Variants in TAFA5 observed in about 807,000 individuals in gnomAD.
The protein encoded by TAFA5 is TAFA chemokine like family member 5.
A neutral mutation model predicts 15.3 loss-of-function variants in TAFA5; 6 were observed. The observed-to-expected ratio is 0.39, with a 90% confidence interval of 0.21 to 0.77. The LOEUF (loss-of-function observed/expected upper bound fraction) is 0.77. TAFA5 is among the 30% of genes least tolerant of loss of function. The pLI is 0.41. For synonymous variants in TAFA5, 103 were observed against 80.7 expected (o/e 1.28, Z -1.48); for missense variants, 161 against 193.1 (o/e 0.83, Z 0.98).
intron 1 of TAFA5, among the ~76,000 whole-genome samples, chr22:48,533,483 A>C: frequency 6.6e-6 from 1 of 152,204 alleles, no homozygotes; most frequent in East Asian, 1.9e-4. Flanking sequence ...TGCAAGTCTG[A>C]CGTCCAGCTA....
rs1601710727 is a variant in TAFA5, at chr22:48,742,011, G to A, written c.391-7828G>A. Among the ~76,000 whole-genome samples, 2 of 152,368 alleles carry A rather than the reference G, an allele frequency of 1.3e-5. No individual in the cohort carries two copies. Among genetic ancestry groups the A allele is most frequent in the African/African-American group, 4.8e-5 (2 of 41,592 alleles). Reference sequence around the variant, plus strand: ...GTTTTTTGTTAAGAACCCCATGGTTGGGGGTAAACACTGTTCCTATCCCGT... The same window carrying A: ...GTTTTTTGTTAAGAACCCCATGGTTAGGGGTAAACACTGTTCCTATCCCGT... On this transcript the variant is annotated intron_variant, in intron 3 of 3. Transcript: ENST00000402357. The surrounding 1 kb of genome is among the most constrained non-coding windows in gnomAD (Gnocchi z 6.2).
chr22:48,584,336 TCACACACACCACACACACCGTGCAC>T (rs1398861675), intron 1 of TAFA5, among the ~76,000 whole-genome samples: 3 of 115,952 alleles, frequency 2.6e-5, no homozygotes, highest in Non-Finnish European at 5.4e-5. Flanking sequence ...CACACAGATA[TCACACACACCACACACACCGTGCAC>T]CACACACAGT....
chr22:48,546,716 A>G (rs1370209225), intron 1 of TAFA5: 1 of 410,020 alleles, frequency 2.4e-6, no homozygotes, highest in African/African-American at 2.0e-5. Flanking sequence ...GGTGCCCAGC[A>G]CTCATGTTCC....
chr22:48,489,718 G>T lies in TAFA5; in HGVS notation c.112+14G>T. 1 of 1,407,674 alleles carries T rather than the reference G, an allele frequency of 7.1e-7. No individual in the cohort carries two copies. The allele number at this position is 1,407,674 out of a possible 1,614,324, so 87.2% of individuals were successfully genotyped here. A position where few individuals can be genotyped will look rare whatever the true frequency, so the allele number is the denominator to read the frequency against. On this transcript the variant is annotated intron_variant, in intron 1 of 3. Transcript: ENST00000402357. This position sits in a 1 kb window ranked among gnomAD's most constrained non-coding sequence, Gnocchi z 5.5. ...TCGCCTACTGCAGTGAGTACCGCGC[G>T]GCCCCGGCCCCGGCACGGCCCTCTG... is the stretch of plus-strand genomic sequence containing the variant.
At chr22:48,628,225 C>G (rs916983193) in intron 1 of TAFA5, among the ~76,000 whole-genome samples, 1 of 152,222 alleles carries the variant, frequency 6.6e-6, no homozygotes, top group Admixed American at 6.5e-5. Context: ...CACTTCTCCA[C>G]AGGCCCAGGC....
intron 2 of TAFA5, among the ~76,000 whole-genome samples, chr22:48,704,268 G>A (rs4925449): frequency 0.14 from 21,568 of 152,048 alleles, 1,993 homozygotes; most frequent in African/African-American, 0.27. Context: ...GGCATTGCAA[G>A]GGGATTTCTG....
chr22:48,521,158 C>T (rs1347768638), intron 1 of TAFA5, among the ~76,000 whole-genome samples: 2 of 152,204 alleles, frequency 1.3e-5, no homozygotes, highest in African/African-American at 4.8e-5. Flanking sequence ...CCCATTTCAT[C>T]AGTTATTGCC....
At chr22:48,629,051 G>A (rs568579109) in intron 1 of TAFA5, among the ~76,000 whole-genome samples, 15 of 152,318 alleles carry the variant, frequency 9.8e-5, no homozygotes, top group African/African-American at 3.4e-4. Context: ...CAGAGGGGAA[G>A]CCCTGGCCCC....
chr22:48,606,973 T>TC (rs1339640015), intron 1 of TAFA5, among the ~76,000 whole-genome samples: 3 of 152,234 alleles, frequency 2.0e-5, no homozygotes, highest in Non-Finnish European at 4.4e-5. Flanking sequence ...GTAACCCATG[T>TC]CCTGCATCAC....
intron 2 of TAFA5, among the ~76,000 whole-genome samples, chr22:48,698,417 A>G (rs1928796169): frequency 6.7e-6 from 1 of 149,444 alleles, no homozygotes; most frequent in Non-Finnish European, 1.5e-5. Context: ...GGTGATAATG[A>G]TGGTGGTTGT....
intron 1 of TAFA5, among the ~76,000 whole-genome samples, chr22:48,639,028 CTA>C (rs1324282224): frequency 6.6e-6 from 1 of 152,198 alleles, no homozygotes; most frequent in South Asian, 2.1e-4. Flanking sequence ...GACCCCGACA[CTA>C]AGCCCAGCTC....
At chr22:48,597,737 A>T (rs766137584) in intron 1 of TAFA5, among the ~76,000 whole-genome samples, 7 of 152,238 alleles carry the variant, frequency 4.6e-5, no homozygotes, top group Non-Finnish European at 1.0e-4. Flanking sequence ...CCTTTCAGAA[A>T]ACTCTTACTG....
chr22:48,721,305 G>C (rs1347008715), intron 3 of TAFA5, among the ~76,000 whole-genome samples: 2 of 152,144 alleles, frequency 1.3e-5, no homozygotes, highest in African/African-American at 4.8e-5. Context: ...CCCGCCCACT[G>C]CCTTCATGCC....
intron 1 of TAFA5, among the ~76,000 whole-genome samples, chr22:48,622,317 C>T (rs905712666): frequency 6.6e-6 from 1 of 152,156 alleles, no homozygotes; most frequent in Non-Finnish European, 1.5e-5. Context: ...GGGGGGCAGG[C>T]CCTGGGCACC....
chr22:48,670,699 G>T (rs569653844), intron 2 of TAFA5, among the ~76,000 whole-genome samples: 4 of 152,248 alleles, frequency 2.6e-5, no homozygotes, highest in African/African-American at 9.6e-5. Flanking sequence ...CAATTTTGCC[G>T]TCTCATCAGG....
At chr22:48,624,454 C>G (rs1159025214) in intron 1 of TAFA5, among the ~76,000 whole-genome samples, 1 of 152,210 alleles carries the variant, frequency 6.6e-6, no homozygotes, top group African/African-American at 2.4e-5. Context: ...ATCCACTCTA[C>G]TTGGATTCTT....
chr22:48,522,160 C>A (rs2147107653), intron 1 of TAFA5, among the ~76,000 whole-genome samples: 1 of 152,292 alleles, frequency 6.6e-6, no homozygotes, highest in East Asian at 1.9e-4. Context: ...TGGAGATGGG[C>A]AGCCCAAGGC....
intron 3 of TAFA5, among the ~76,000 whole-genome samples, chr22:48,738,952 C>G (rs1265668517): frequency 1.3e-5 from 2 of 152,216 alleles, no homozygotes; most frequent in African/African-American, 4.8e-5. Context: ...GATTATAAAC[C>G]AAGCCACCCC....
At chr22:48,539,977 G>C (rs1374813876) in intron 1 of TAFA5, among the ~76,000 whole-genome samples, 1 of 152,140 alleles carries the variant, frequency 6.6e-6, no homozygotes, top group Non-Finnish European at 1.5e-5. Context: ...AGAGAAAACC[G>C]GGGTCTGGCA....
Sources: gnomAD v4.1 joint callset for allele counts (sites outside exome capture counted in the v4.1 genomes callset) on GRCh38, gnomAD v4.1.1 for gene constraint, Gnocchi (gnomAD v3.1) non-coding constraint, MANE v1.5 for transcripts, NCBI Gene and HGNC (gene_info 2026-07-23, HGNC 2026-07-21) for gene names.